Variants in ZFHX3 observed in about 807,000 individuals in gnomAD.
ZFHX3 encodes the protein zinc finger homeobox protein 3.
Under a neutral mutation model 279.1 loss-of-function variants are expected in ZFHX3, and 42 were observed. The observed-to-expected ratio is 0.15, with a 90% confidence interval of 0.12 to 0.19. The LOEUF (loss-of-function observed/expected upper bound fraction) is 0.19, where lower values mean the gene tolerates loss of function less well. ZFHX3 is among the 10% of genes least tolerant of loss of function. The probability of loss-of-function intolerance (pLI) is 1.00; values close to 1 mark genes in which losing one functional copy is unlikely to be tolerated. For synonymous variants in ZFHX3, 2,293 were observed against 1,957.8 expected (o/e 1.17, Z -4.52); for missense variants, 4,981 against 4,754.0 (o/e 1.05, Z -1.40).
At chr16:73,265,795 G>T (rs959665055) in intron 4 of ZFHX3, among the ~76,000 whole-genome samples, 1 of 152,202 alleles carries the variant, frequency 6.6e-6, no homozygotes, top group Non-Finnish European at 1.5e-5. Context: ...GTTTTGTTTG[G>T]TGATAGAGGA....
At chr16:73,393,421 A>G (rs892319035) in intron 3 of ZFHX3, among the ~76,000 whole-genome samples, 17 of 152,104 alleles carry the variant, frequency 1.1e-4, no homozygotes, top group African/African-American at 4.1e-4. Context: ...TTTCCTCCAT[A>G]CAAATGTTAC....
intron 1 of ZFHX3, among the ~76,000 whole-genome samples, chr16:73,019,361 T>TGC (rs1964218011): frequency 2.0e-5 from 3 of 151,936 alleles, no homozygotes; most frequent in Non-Finnish European, 1.5e-5. Context: ...TGTGTGTGTG[T>TGC]GTGTGTGCGT....
At chr16:73,113,855 C>T (rs1164763647) in intron 7 of ZFHX3, among the ~76,000 whole-genome samples, 1 of 134,586 alleles carries the variant, frequency 7.4e-6, no homozygotes, top group Non-Finnish European at 1.5e-5. Flanking sequence ...AGTGCAGTGG[C>T]GCGATCTCTG....
intron 1 of ZFHX3, among the ~76,000 whole-genome samples, chr16:73,046,520 C>T (rs1323768860): frequency 6.6e-6 from 1 of 152,068 alleles, no homozygotes; most frequent in East Asian, 1.9e-4. Context: ...TATCCAGAAA[C>T]CACAGCCATT....
intron 7 of ZFHX3, among the ~76,000 whole-genome samples, chr16:73,121,814 A>T (rs1166735824): frequency 6.6e-6 from 1 of 151,682 alleles, no homozygotes; most frequent in Admixed American, 6.6e-5. Context: ...ACGGGGTTTC[A>T]CCATGTTAGT....
intron 1 of ZFHX3, among the ~76,000 whole-genome samples, chr16:73,687,815 T>TCCGAACTG (rs1555532490): frequency 7.4e-6 from 1 of 134,648 alleles, no homozygotes; most frequent in African/African-American, 3.0e-5. Flanking sequence ...GCCACTGCAC[T>TCCGAACTG]CCAAACTGGT....
intron 1 of ZFHX3, among the ~76,000 whole-genome samples, chr16:72,967,758 T>TAAAA (rs1961913831): frequency 1.3e-5 from 1 of 77,170 alleles, no homozygotes; most frequent in African/African-American, 5.4e-5. Flanking sequence ...CTACTAAAAA[T>TAAAA]ACAAAAAAAA....
At chr16:73,331,720 C>G (rs1049883849) in intron 3 of ZFHX3, among the ~76,000 whole-genome samples, 1 of 152,220 alleles carries the variant, frequency 6.6e-6, no homozygotes, top group Non-Finnish European at 1.5e-5. Context: ...AGTTCTGCTA[C>G]ATTCCCAGGG....
At chr16:73,485,630 C>CT (rs2018960478) in intron 2 of ZFHX3, among the ~76,000 whole-genome samples, 1 of 152,148 alleles carries the variant, frequency 6.6e-6, no homozygotes, top group African/African-American at 2.4e-5. Context: ...TCCAGCCACA[C>CT]TAAGTGTCTT....
chr16:73,228,499 C>A (rs550811239), intron 5 of ZFHX3, among the ~76,000 whole-genome samples: 1 of 152,064 alleles, frequency 6.6e-6, no homozygotes, highest in East Asian at 1.9e-4. Context: ...CTCATCTCTA[C>A]GAAAAATACA....
intron 1 of ZFHX3, among the ~76,000 whole-genome samples, chr16:73,792,858 C>CA (rs932899678): frequency 9.4e-5 from 13 of 138,442 alleles, no homozygotes; most frequent in Admixed American, 3.6e-4. Context: ...TACAGTGCAC[C>CA]CCCCCCCTCC....
At chr16:73,478,064 A>T (rs2143618109) in intron 2 of ZFHX3, among the ~76,000 whole-genome samples, 1 of 152,212 alleles carries the variant, frequency 6.6e-6, no homozygotes, top group East Asian at 1.9e-4. Flanking sequence ...CGAGGTCAAG[A>T]GATCGAGAAC....
At chr16:73,568,902 C>A (rs1283668804) in intron 2 of ZFHX3, among the ~76,000 whole-genome samples, 1 of 152,104 alleles carries the variant, frequency 6.6e-6, no homozygotes, top group Non-Finnish European at 1.5e-5. Context: ...GGGTGAGCTG[C>A]CGGTGGAAAG....
intron 1 of ZFHX3, among the ~76,000 whole-genome samples, chr16:73,732,660 G>A (rs2053578342): frequency 6.6e-6 from 1 of 152,232 alleles, no homozygotes; most frequent in Admixed American, 6.5e-5. Flanking sequence ...AGTTAAATCT[G>A]AAAAATGACC....
At chr16:72,869,997 C>G (rs958149431) in intron 4 of ZFHX3, among the ~76,000 whole-genome samples, 1 of 152,168 alleles carries the variant, frequency 6.6e-6, no homozygotes, top group Non-Finnish European at 1.5e-5. Flanking sequence ...TGATTCTAAT[C>G]ATAAGGAAGC....
rs1038673084 is a variant in ZFHX3, at chr16:73,291,570, G to A, written c.-1194+26670C>T. 3.3e-5 allele frequency among the ~76,000 whole-genome samples: 5 copies of A among 152,332 alleles called. No individual in the cohort carries two copies. In the South Asian group the frequency reaches 8.3e-4, roughly 25 times the overall value. On this transcript the variant is annotated intron_variant, in intron 4 of 17. Transcript: ENST00000641206. ...CTCAGGAGAGCATCTGCTCACCCCT[G>A]ATTAGAAAGCCTGAAGTGTGAACAG...
chr16:73,352,265 C>A (rs1045884506), intron 3 of ZFHX3, among the ~76,000 whole-genome samples: 2 of 152,258 alleles, frequency 1.3e-5, no homozygotes, highest in African/African-American at 4.8e-5. Context: ...TACTCAGCAA[C>A]GCTGTGTGGA....
intron 2 of ZFHX3, among the ~76,000 whole-genome samples, chr16:73,514,288 G>C (rs970304542): frequency 6.6e-6 from 1 of 152,056 alleles, no homozygotes; most frequent in African/African-American, 2.4e-5. Flanking sequence ...GGAGCTACAA[G>C]AGCCACAGTG....
At chr16:72,900,393 T>C (rs1331266571) in intron 3 of ZFHX3, among the ~76,000 whole-genome samples, 3 of 152,206 alleles carry the variant, frequency 2.0e-5, no homozygotes, top group Admixed American at 2.0e-4. Context: ...TGTCTACTGG[T>C]CAAAACGGGT....
Sources: allele counts gnomAD v4.1 joint callset (sites outside exome capture counted in the v4.1 genomes callset), GRCh38; gene constraint gnomAD v4.1.1; transcripts MANE v1.5; gene names NCBI Gene and HGNC (gene_info 2026-07-23, HGNC 2026-07-21).